Variants in ZFYVE28 observed in about 807,000 individuals in gnomAD.
ZFYVE28 encodes lateral signaling target protein 2 homolog.
Under a neutral mutation model 82.1 loss-of-function variants are expected in ZFYVE28, and 40 were observed. The ratio of observed to expected loss-of-function variants is 0.49; its 90% confidence interval spans 0.38 to 0.63. The LOEUF (loss-of-function observed/expected upper bound fraction) is 0.63. Among genes scored for constraint, ZFYVE28 ranks in the 30% least tolerant of loss-of-function variants. The pLI is 0.00. For missense variants in ZFYVE28, 1,321 were observed against 1,242.1 expected (o/e 1.06, Z -0.96); for synonymous variants, 612 against 546.1 (o/e 1.12, Z -1.68).
At position 2,304,935 on chromosome 4, in the gene ZFYVE28, C is replaced by G. The variant is rs113256779; in HGVS notation, c.1405G>C (p.Asp469His). The G allele has an allele frequency of 7.9e-4, 1,268 of 1,612,734 alleles. 8 individuals are homozygous for G. In the African/African-American group the frequency reaches 0.015, roughly 19 times the overall value. Residue 469 changes from aspartate (D) to histidine (H), a missense_variant, in exon 8 of 13, where the codon GAT becomes CAT. By Grantham distance (81) the Asp-to-His change is moderately conservative. Around this residue, in one of 2 missense-constraint regions of ZFYVE28, gnomAD observed 978 missense variants for 833.7 expected, o/e 1.17. Coordinates refer to ENST00000290974, the MANE Select transcript of ZFYVE28 (RefSeq NM_020972.3). ...SNNNLEAEGT[D>H]GASLAGTSSC... ...CTGGTGCCCGCGAGGCTGGCCCCAT[C>G]TGTGCCCTCGGCCTCGAGATTGTTG...
chr4:2,303,255 G>A (rs1409848676), intron 8 of ZFYVE28, among the ~76,000 whole-genome samples: 2 of 152,180 alleles, frequency 1.3e-5, no homozygotes. Flanking sequence ...CGACCTGGGA[G>A]GACCGAGCAC....
intron 5 of ZFYVE28, among the ~76,000 whole-genome samples, chr4:2,336,798 A>G (rs1432043882): frequency 5.0e-4 from 50 of 99,226 alleles, no homozygotes; most frequent in African/African-American, 1.2e-3. Flanking sequence ...GAGTGAGGAG[A>G]TGAGGAGGTG....
chr4:2,272,547 C>T (rs1288463619), intron 10 of ZFYVE28, among the ~76,000 whole-genome samples: 2 of 152,188 alleles, frequency 1.3e-5, no homozygotes, highest in Non-Finnish European at 2.9e-5. Flanking sequence ...TGTGGGTATG[C>T]GTGAGTACAT....
At chr4:2,399,597 C>T (rs13115040) in intron 1 of ZFYVE28, among the ~76,000 whole-genome samples, 15,662 of 152,160 alleles carry the variant, frequency 0.1, 887 homozygotes, top group East Asian at 0.11. Context: ...TGAATGAATA[C>T]GTGACTGTTT....
Position 2,273,391 on chromosome 4 carries a change from C to T in ZFYVE28, c.2207-102G>A, listed in dbSNP as rs1418013637. ...GCAGACCCAGCCAGAGCTCACAGCC[C>T]AGGCCAGCGTGTTCTCAGATCAGTC... On this transcript the variant is annotated intron_variant, in intron 9 of 12. Transcript: ENST00000290974. 3 of 981,094 alleles carry T rather than the reference C, an allele frequency of 3.1e-6. No homozygotes were observed. In the Admixed American group the frequency reaches 6.4e-5, roughly 21 times the overall value. 60.8% of individuals were successfully genotyped at this position (981,094 alleles called of 1,614,324 possible).
Position 2,407,725 on chromosome 4 carries a change from G to T in ZFYVE28, c.39+10560C>A, listed in dbSNP as rs189099325. ...CCTGCCTCAGCCTCCCGAGTAGCTGGGATTACAGACGCACCACCACGCCCA... is the reference window on the plus strand; with the variant it reads ...CCTGCCTCAGCCTCCCGAGTAGCTGTGATTACAGACGCACCACCACGCCCA... On this transcript the variant is annotated intron_variant, in intron 1 of 12. Coordinates refer to ENST00000290974, the MANE Select transcript of ZFYVE28 (RefSeq NM_020972.3). Among the ~76,000 whole-genome samples, 370 of 152,166 alleles carry T rather than the reference G, an allele frequency of 2.4e-3. 3 individuals carry two copies. The highest frequency in any genetic ancestry group is 4.3e-4 in the Non-Finnish European group (29 of 68,006).
chr4:2,372,966 G>A lies in ZFYVE28; in HGVS notation c.40-18893C>T, dbSNP rs556759634. 1.4e-4 allele frequency among the ~76,000 whole-genome samples: 22 copies of A among 152,196 alleles called. No homozygotes were observed. Among genetic ancestry groups the A allele is most frequent in the Admixed American group, 1.0e-3 (16 of 15,290 alleles). ...CGCATGCCCACCAGAAGACCACCAC[G>A]TCTCTGGGCAGACACTCGGGGTACC... is the stretch of plus-strand genomic sequence containing the variant. On this transcript the variant is annotated intron_variant, in intron 1 of 12. Coordinates refer to ENST00000290974, the MANE Select transcript of ZFYVE28 (RefSeq NM_020972.3). This position sits in a 1 kb window ranked among gnomAD's most constrained non-coding sequence, Gnocchi z 5.2.
At chr4:2,336,766 AGTGAGGAG>A (rs751613017) in intron 5 of ZFYVE28, among the ~76,000 whole-genome samples, 57 of 147,294 alleles carry the variant, frequency 3.9e-4, no homozygotes, top group African/African-American at 7.6e-4. Context: ...TGAGGTGAGG[AGTGAGGAG>A]GTGAGGAGGT....
At position 2,304,533 on chromosome 4, in the gene ZFYVE28, T is replaced by G. The variant is rs1433868086; in HGVS notation, c.1807A>C (p.Ser603Arg). 1 of 1,612,582 alleles carries G rather than the reference T, an allele frequency of 6.2e-7. No homozygotes were observed. The highest frequency in any genetic ancestry group is 8.5e-7 in the Non-Finnish European group (1 of 1,179,810). ...ASYAAGLAKA[S>R]DRAPERQEEA... ...TCCTGTCTCTCAGGGGCCCTGTCGC[T>G]GGCCTTGGCTAAGCCGGCAGCGTAC... Residue 603 changes from serine (S) to arginine (R), a missense_variant, in exon 8 of 13, where the codon AGC (serine) becomes CGC (arginine). By Grantham distance (110) the Ser-to-Arg change is moderately radical (BLOSUM62 -1). Coordinates refer to ENST00000290974, the MANE Select transcript of ZFYVE28 (RefSeq NM_020972.3).
chr4:2,298,729 G>A (rs1033341389), intron 8 of ZFYVE28, among the ~76,000 whole-genome samples: 1 of 152,240 alleles, frequency 6.6e-6, no homozygotes, highest in African/African-American at 2.4e-5. Flanking sequence ...GCCTGGCCTT[G>A]CCCCCGTGGG....
At chr4:2,343,261 T>C (rs749359526) in intron 2 of ZFYVE28, 16 of 152,224 alleles carry the variant, frequency 1.1e-4, no homozygotes, top group Non-Finnish European at 2.4e-4. Context: ...TCTAATGAGA[T>C]ACTGCCAAAT....
chr4:2,274,962 C>G (rs1736270260), intron 8 of ZFYVE28, among the ~76,000 whole-genome samples: 1 of 141,046 alleles, frequency 7.1e-6, no homozygotes, highest in Admixed American at 6.8e-5. Flanking sequence ...GAGACAGTTT[C>G]CAGGGCTTAG....
At position 2,305,291 on chromosome 4, in the gene ZFYVE28, T is replaced by A; in HGVS notation, c.1049A>T (p.His350Leu). ...QELEQLSRMV[H>L]RAGDEMSSLL... ...AGAGGACATCTCGTCCCCCGCCCTG[T>A]GGACCATGCGGCTGAGCTGCTCCAG... The change falls in exon 8 of 13, where the codon CAC becomes CTC. Residue 350 changes from histidine (H) to leucine (L), a missense_variant. His to Leu is a moderately conservative substitution (Grantham distance 99, BLOSUM62 -3). Transcript: ENST00000290974. The A allele has an allele frequency of 6.2e-6, 10 of 1,613,140 alleles. No individual in the cohort carries two copies. The highest frequency in any genetic ancestry group is 8.5e-6 in the Non-Finnish European group (10 of 1,180,012).
At chr4:2,359,640 A>T (rs1725835750) in intron 1 of ZFYVE28, among the ~76,000 whole-genome samples, 1 of 152,194 alleles carries the variant, frequency 6.6e-6, no homozygotes, top group African/African-American at 2.4e-5. Flanking sequence ...GTAGTCTGGG[A>T]CTTTTGGCCT....
intron 8 of ZFYVE28, among the ~76,000 whole-genome samples, chr4:2,282,454 T>C (rs187943309): frequency 1.6e-4 from 25 of 152,260 alleles, no homozygotes; most frequent in African/African-American, 2.9e-4. Context: ...GATGTCATCA[T>C]TGGGGTGGGA....
intron 7 of ZFYVE28, among the ~76,000 whole-genome samples, chr4:2,310,582 T>C (rs1034720907): frequency 2.6e-5 from 4 of 152,142 alleles, no homozygotes; most frequent in African/African-American, 4.8e-5. Context: ...GGCAGTCAGA[T>C]TGCTTGAGCC....
chr4:2,397,392 C>G (rs970805539), intron 1 of ZFYVE28, among the ~76,000 whole-genome samples: 2 of 150,446 alleles, frequency 1.3e-5, no homozygotes, highest in Non-Finnish European at 2.9e-5. Flanking sequence ...GCAGGAGAAT[C>G]GCTTGAACCC....
At chr4:2,289,681 T>G (rs1438378288) in intron 8 of ZFYVE28, among the ~76,000 whole-genome samples, 1 of 152,214 alleles carries the variant, frequency 6.6e-6, no homozygotes, top group Non-Finnish European at 1.5e-5. Flanking sequence ...TGGCCTCACC[T>G]TCCCATTTTA....
chr4:2,336,679 G>A (rs1721757508), intron 5 of ZFYVE28, among the ~76,000 whole-genome samples: 1 of 151,828 alleles, frequency 6.6e-6, no homozygotes, highest in Non-Finnish European at 1.5e-5. Flanking sequence ...TGTGAGGATT[G>A]AGGAGGTGAG....
Sources: gnomAD v4.1 joint callset for allele counts (sites outside exome capture counted in the v4.1 genomes callset) on GRCh38, gnomAD v4.1.1 for gene constraint, gnomAD v4.1.1 regional missense constraint, Gnocchi (gnomAD v3.1) non-coding constraint, MANE v1.5 for transcripts, NCBI Gene and HGNC (gene_info 2026-07-23, HGNC 2026-07-21) for gene names.